Variants in FMNL2 observed in about 807,000 individuals in gnomAD.
The protein encoded by FMNL2 is formin like 2.
A neutral mutation model predicts 130.2 loss-of-function variants in FMNL2; 51 were observed. That is an observed-to-expected ratio of 0.39 (90% confidence interval 0.31 to 0.49). FMNL2 has a LOEUF of 0.49. Among genes scored for constraint, FMNL2 ranks in the 20% least tolerant of loss-of-function variants. The pLI is 0.85. For synonymous variants in FMNL2, 465 were observed against 467.1 expected (o/e 1.00, Z 0.06); for missense variants, 977 against 1,316.2 (o/e 0.74, Z 3.99).
chr2:152,429,683 A>G (rs1273350981), intron 1 of FMNL2, among the ~76,000 whole-genome samples: 1 of 151,822 alleles, frequency 6.6e-6, no homozygotes, highest in Non-Finnish European at 1.5e-5. Flanking sequence ...TTTTGGGGAA[A>G]TGCTCTTTCT....
chr2:152,416,384 T>C (rs571290416), intron 1 of FMNL2, among the ~76,000 whole-genome samples: 3 of 152,162 alleles, frequency 2.0e-5, no homozygotes, highest in African/African-American at 7.2e-5. Flanking sequence ...TAACTAATAG[T>C]AACTACTGAC....
chr2:152,634,804 C>T (rs909212130), intron 21 of FMNL2, among the ~76,000 whole-genome samples: 2 of 152,142 alleles, frequency 1.3e-5, no homozygotes, highest in African/African-American at 4.8e-5. Flanking sequence ...ACAGGCGTTG[C>T]TGTTTGGGGT....
intron 1 of FMNL2, among the ~76,000 whole-genome samples, chr2:152,404,575 T>G (rs1685880111): frequency 6.6e-6 from 1 of 152,136 alleles, no homozygotes; most frequent in African/African-American, 2.4e-5. Flanking sequence ...GGAATTCTGA[T>G]GTAGGTAAGG....
intron 4 of FMNL2, among the ~76,000 whole-genome samples, chr2:152,550,505 G>A (rs1412437954): frequency 1.3e-5 from 2 of 152,196 alleles, no homozygotes; most frequent in African/African-American, 4.8e-5. Context: ...GACCAGAGAA[G>A]GTGAGTGAAT....
intron 4 of FMNL2, among the ~76,000 whole-genome samples, chr2:152,556,955 CA>C (rs1472167011): frequency 6.6e-6 from 1 of 151,500 alleles, no homozygotes; most frequent in African/African-American, 2.4e-5. Flanking sequence ...TGTACAATCA[CA>C]GCCCATAGGC....
chr2:152,453,545 A>G (rs1031698508), intron 1 of FMNL2, among the ~76,000 whole-genome samples: 2 of 152,152 alleles, frequency 1.3e-5, no homozygotes, highest in Non-Finnish European at 2.9e-5. Flanking sequence ...TTCTGGCTGT[A>G]TTACTGCTTA....
chr2:152,436,430 A>G (rs1176062869), intron 1 of FMNL2, among the ~76,000 whole-genome samples: 2 of 152,134 alleles, frequency 1.3e-5, no homozygotes, highest in Admixed American at 6.5e-5. Flanking sequence ...GATGTGAGCC[A>G]TCTCTCCTGA....
At chr2:152,365,562 A>G (rs1683472355) in intron 1 of FMNL2, among the ~76,000 whole-genome samples, 1 of 152,118 alleles carries the variant, frequency 6.6e-6, no homozygotes, top group South Asian at 2.1e-4. Flanking sequence ...ACCTGAGGTC[A>G]GGAGTTCGAC....
intron 1 of FMNL2, among the ~76,000 whole-genome samples, chr2:152,507,531 C>T (rs1443711722): frequency 2.0e-5 from 3 of 152,136 alleles, no homozygotes; most frequent in African/African-American, 2.4e-5. Flanking sequence ...TCCTGAAATC[C>T]GCTTGGAGTA....
At chr2:152,387,638 ATG>A (rs1039233663) in intron 1 of FMNL2, among the ~76,000 whole-genome samples, 9 of 151,806 alleles carry the variant, frequency 5.9e-5, no homozygotes, top group Non-Finnish European at 1.2e-4. Flanking sequence ...TGTTTTTTAA[ATG>A]TGTGTGTTTT....
At chr2:152,570,272 C>A (rs191855095) in intron 6 of FMNL2, among the ~76,000 whole-genome samples, 1 of 152,236 alleles carries the variant, frequency 6.6e-6, no homozygotes, top group East Asian at 1.9e-4. Flanking sequence ...GGCAGCTCTT[C>A]CAAGATAGAA....
chr2:152,644,045 C>T (rs553073839), intron 25 of FMNL2: 1 of 276,762 alleles, frequency 3.6e-6, no homozygotes, highest in Non-Finnish European at 5.5e-6. Flanking sequence ...GCCTGGGTAA[C>T]ATAGGGAAGC....
chr2:152,409,188 G>A (rs1686155137), intron 1 of FMNL2, among the ~76,000 whole-genome samples: 1 of 152,106 alleles, frequency 6.6e-6, no homozygotes, highest in Non-Finnish European at 1.5e-5. Context: ...AATAAAGACA[G>A]TATAATTCCA....
chr2:152,519,323 G>A (rs1019313531), intron 1 of FMNL2, among the ~76,000 whole-genome samples: 2 of 152,108 alleles, frequency 1.3e-5, no homozygotes, highest in Non-Finnish European at 2.9e-5. Context: ...CGTCTGTTTG[G>A]ATTCCCACCG....
In FMNL2 at chr2:152,637,497, G is replaced by A. The variant is rs560704480; in HGVS notation, c.2845-76G>A. The A allele has an allele frequency of 1.9e-5, 22 of 1,133,628 alleles. 1 individual carries two copies. The African/African-American group carries it at 2.4e-4, about 13-fold the overall frequency. 70.2% of individuals were successfully genotyped at this position (1,133,628 alleles called of 1,614,324 possible). ...GCCTCTGTCTTGTGGCTGCTGCTTT[G>A]CATCAGCGTTCCCCCTAGAGCATCC... On this transcript the variant is annotated intron_variant, in intron 22 of 25. Coordinates refer to ENST00000288670, the MANE Select transcript of FMNL2 (RefSeq NM_052905.4).
chr2:152,627,662 A>G (rs1458895909), intron 17 of FMNL2, among the ~76,000 whole-genome samples: 1 of 152,236 alleles, frequency 6.6e-6, no homozygotes, highest in Non-Finnish European at 1.5e-5. Flanking sequence ...TTAGCTGAAC[A>G]AAGATTGTCC....
chr2:152,506,467 T>C (rs912045652), intron 1 of FMNL2, among the ~76,000 whole-genome samples: 4 of 152,254 alleles, frequency 2.6e-5, no homozygotes, highest in Admixed American at 6.5e-5. Flanking sequence ...AAATAGTTGT[T>C]ATACTATATT....
At chr2:152,615,096 G>A in intron 12 of FMNL2, 96 bp downstream of exon 12, 1 of 1,402,004 alleles carries the variant, frequency 7.1e-7, no homozygotes. Context: ...TTAAGGATTT[G>A]GAGTATAGGA....
At chr2:152,378,986 CAAAAAA>C (rs34091948) in intron 1 of FMNL2, among the ~76,000 whole-genome samples, 103 of 41,986 alleles carry the variant, frequency 2.5e-3, no homozygotes, top group African/African-American at 0.012. Flanking sequence ...AGACCAGCTG[CAAAAAA>C]AAAAAAAAAA....
Sources: allele counts gnomAD v4.1 joint callset (sites outside exome capture counted in the v4.1 genomes callset), GRCh38; gene constraint gnomAD v4.1.1; transcripts MANE v1.5; gene names NCBI Gene and HGNC (gene_info 2026-07-23, HGNC 2026-07-21).